The following LMTK2 variants were observed in gnomAD, a reference collection of about 807,000 sequenced individuals.
LMTK2 encodes serine/threonine-protein kinase LMTK2.
Under a neutral mutation model 127.5 loss-of-function variants are expected in LMTK2, and 37 were observed. The ratio of observed to expected loss-of-function variants is 0.29; its 90% CI spans 0.22 to 0.38. LMTK2 has a LOEUF of 0.38. Among genes scored for constraint, LMTK2 ranks in the 10% least tolerant of loss-of-function variants. The pLI is 1.00. For synonymous variants in LMTK2, 819 were observed against 810.1 expected (o/e 1.01, Z -0.19); for missense variants, 1,694 against 1,920.3 (o/e 0.88, Z 2.20).
chr7:98,176,365 A>G (rs999923193), intron 7 of LMTK2, among the ~76,000 whole-genome samples: 1 of 152,242 alleles, frequency 6.6e-6, no homozygotes, highest in Non-Finnish European at 1.5e-5. Context: ...CTTAATAGCA[A>G]TATCATGCTA....
chr7:98,168,001 T>C (rs1797128304), intron 6 of LMTK2, among the ~76,000 whole-genome samples: 1 of 152,140 alleles, frequency 6.6e-6, no homozygotes, highest in Non-Finnish European at 1.5e-5. Flanking sequence ...CCAGCTGTGC[T>C]TGGGGAGAAG....
chr7:98,190,707 G>A, intron 9 of LMTK2, 21 bp from the exon 10 acceptor site: 1 of 1,613,298 alleles, frequency 6.2e-7, no homozygotes, highest in East Asian at 2.2e-5. Flanking sequence ...GAGAGAAACA[G>A]CCATTTTCTT....
Position 98,107,090 on chromosome 7 carries a change from G to A in LMTK2, c.-88G>A. The A allele has an allele frequency of 2.9e-6, 3 of 1,037,276 alleles. No individual in the cohort carries two copies. In the South Asian group the frequency reaches 6.3e-5, roughly 22 times the overall value. The allele number at this position is 1,037,276 out of a possible 1,614,324, so 64.3% of individuals were successfully genotyped here. On this transcript the variant is annotated 5_prime_UTR_variant, in exon 1 of 14. Coordinates refer to ENST00000297293, the MANE Select transcript of LMTK2 (RefSeq NM_014916.4). ...CCGGCGCGGGTGCCACTGAGGCAGC[G>A]GAGGGAGGCAGGATCGACTGACGGG...
At chr7:98,129,883 C>A (rs1454833638) in intron 1 of LMTK2, among the ~76,000 whole-genome samples, 1 of 152,086 alleles carries the variant, frequency 6.6e-6, no homozygotes, top group East Asian at 1.9e-4. Flanking sequence ...CAAGCCTGGC[C>A]CGTGACCCCA....
chr7:98,127,972 G>A (rs551205788), intron 1 of LMTK2, among the ~76,000 whole-genome samples: 2 of 152,178 alleles, frequency 1.3e-5, no homozygotes, highest in African/African-American at 2.4e-5. Context: ...GCGAAACCCC[G>A]TCTCTACTAA....
chr7:98,164,781 C>G (rs921247976), intron 6 of LMTK2, among the ~76,000 whole-genome samples: 2 of 152,106 alleles, frequency 1.3e-5, no homozygotes, highest in East Asian at 3.9e-4. Flanking sequence ...ACGCTGGAGA[C>G]CAGGCTGCCA....
chr7:98,194,677 G>A lies in LMTK2; in HGVS notation c.4107+105G>A. 1.9e-6 allele frequency: 2 copies of A among 1,069,002 alleles called. No individual in the cohort carries two copies. The highest frequency in any genetic ancestry group is 2.6e-6 in the Non-Finnish European group (2 of 761,408). 66.2% of individuals were successfully genotyped at this position (1,069,002 alleles called of 1,614,324 possible). ...GTTTTCTAGTTGCCATTTTGAGGCA[G>A]CAGATTGTGATTACTCACAAAAAGT... On this transcript the variant is annotated intron_variant, in intron 11 of 13. Coordinates refer to ENST00000297293, the MANE Select transcript of LMTK2 (RefSeq NM_014916.4). The surrounding 1 kb of genome is among the most constrained non-coding windows in gnomAD (Gnocchi z 5.4).
At chr7:98,154,557 T>C (rs1011923215) in intron 4 of LMTK2, among the ~76,000 whole-genome samples, 3 of 152,218 alleles carry the variant, frequency 2.0e-5, no homozygotes, top group African/African-American at 7.2e-5. Context: ...TGTAACTATC[T>C]GGTGAATGGT....
chr7:98,138,283 GA>G (rs764080931), intron 2 of LMTK2, among the ~76,000 whole-genome samples: 4 of 151,866 alleles, frequency 2.6e-5, no homozygotes, highest in African/African-American at 7.3e-5. Flanking sequence ...CAAATTGAGG[GA>G]AAAAAAAGGT....
intron 3 of LMTK2, 35 bp downstream of exon 3, chr7:98,141,576 A>G: frequency 6.3e-7 from 1 of 1,596,112 alleles, no homozygotes; most frequent in Non-Finnish European, 8.6e-7. Flanking sequence ...CGTTTTCATG[A>G]ATTGTTTCTG....
At chr7:98,202,698 C>T (rs937758769) in intron 11 of LMTK2, among the ~76,000 whole-genome samples, 3 of 152,136 alleles carry the variant, frequency 2.0e-5, no homozygotes, top group Non-Finnish European at 2.9e-5. Flanking sequence ...GTGTGTGCCC[C>T]GCACCCCACC....
At position 98,193,258 on chromosome 7, in the gene LMTK2, G is replaced by A. The variant is rs565703564; in HGVS notation, c.2793G>A (p.Ser931=). ...AGGAATTGCACAATAAACCATTTTC[G>A]GAAGACCATCACAGTCATCGCCGGC... ...LGQELHNKPF[S]EDHHSHRRLE... The change falls in exon 11 of 14, where the codon TCG becomes TCA. Residue 931 remains serine, a synonymous_variant. Coordinates refer to ENST00000297293, the MANE Select transcript of LMTK2 (RefSeq NM_014916.4). The surrounding 1 kb of genome is among the most constrained non-coding windows in gnomAD (Gnocchi z 4.1). The A allele has an allele frequency of 1.1e-4, 170 of 1,613,580 alleles. No individual in the cohort carries two copies. Among genetic ancestry groups the A allele is most frequent in the Middle Eastern group, 1.6e-4 (1 of 6,062 alleles).
At chr7:98,136,509 A>C (rs1166494552) in intron 1 of LMTK2, among the ~76,000 whole-genome samples, 1 of 151,974 alleles carries the variant, frequency 6.6e-6, no homozygotes, top group African/African-American at 2.4e-5. Flanking sequence ...GTGTCTACAG[A>C]CTCTACTACT....
At position 98,107,128 on chromosome 7, in the gene LMTK2, C is replaced by A; in HGVS notation, c.-50C>A. 1 of 1,331,742 alleles carries A rather than the reference C, an allele frequency of 7.5e-7. No individual in the cohort carries two copies. The allele number at this position is 1,331,742 out of a possible 1,614,324, so 82.5% of individuals were successfully genotyped here. On this transcript the variant is annotated 5_prime_UTR_variant, in exon 1 of 14. Coordinates refer to ENST00000297293, the MANE Select transcript of LMTK2 (RefSeq NM_014916.4). ...ATCGACTGACGGGCGAACGGACGGA[C>A]GGACGGAAGGCGACTCGAGGGCCGG...
chr7:98,201,298 G>T (rs2116480574), intron 11 of LMTK2, among the ~76,000 whole-genome samples: 1 of 152,228 alleles, frequency 6.6e-6, no homozygotes, highest in East Asian at 1.9e-4. Flanking sequence ...TATCTGAAAT[G>T]CTTAGGACCA....
chr7:98,176,037 T>A (rs1393558165), intron 7 of LMTK2, among the ~76,000 whole-genome samples: 1 of 152,220 alleles, frequency 6.6e-6, no homozygotes, highest in Non-Finnish European at 1.5e-5. Context: ...TTCTCCTGAA[T>A]GAACATAGAC....
rs200864795 is a variant in LMTK2 at position 98,194,111 on chromosome 7, G to A, written c.3646G>A (p.Glu1216Lys). Residue 1216 changes from glutamate to lysine, a missense_variant, in exon 11 of 14, where the codon GAG becomes AAG. Around this residue, in one of 8 missense-constraint regions of LMTK2, gnomAD observed 554 missense variants for 567.7 expected, o/e 0.98. Transcript: ENST00000297293. The surrounding 1 kb of genome is among the most constrained non-coding windows in gnomAD (Gnocchi z 5.4). ...AGAACTTAGCAGCGGCGATGACTTCGAGACACAGGACGATCGCCCCTGCAC... is the reference window on the plus strand; with the variant it reads ...AGAACTTAGCAGCGGCGATGACTTCAAGACACAGGACGATCGCCCCTGCAC... ...NAELSSGDDF[E>K]TQDDRPCTLA... The A allele has an allele frequency of 1.5e-5, 25 of 1,614,090 alleles. 1 individual carries two copies. Among genetic ancestry groups the A allele is most frequent in the Middle Eastern group, 1.6e-4 (1 of 6,062 alleles).
rs564096050 is a variant in LMTK2, at chr7:98,159,950, T to C, written c.657+525T>C. Among the ~76,000 whole-genome samples the C allele has an allele frequency of 3.9e-4, 59 of 152,368 alleles. 1 individual carries two copies. The highest frequency in any genetic ancestry group is 3.4e-3 in the Middle Eastern group (1 of 294). ...GATTTATTTTCTTAAAAACCTTATT[T>C]CTTAGCATGATAATATTATTTATTG... On this transcript the variant is annotated intron_variant, in intron 6 of 13. Transcript: ENST00000297293.
chr7:98,204,525 G>C (rs1027533918), intron 13 of LMTK2, among the ~76,000 whole-genome samples: 1 of 152,258 alleles, frequency 6.6e-6, no homozygotes, highest in Non-Finnish European at 1.5e-5. Flanking sequence ...TACTCAGGAG[G>C]CTGAGGTGGG....
Sources: allele counts gnomAD v4.1 joint callset (sites outside exome capture counted in the v4.1 genomes callset), GRCh38; gene constraint gnomAD v4.1.1; regional missense constraint gnomAD v4.1.1; non-coding constraint Gnocchi (gnomAD v3.1); transcripts MANE v1.5; gene names NCBI Gene and HGNC (gene_info 2026-07-23, HGNC 2026-07-21).